The following CLEC2A variants were observed in gnomAD, a reference collection of about 807,000 sequenced individuals.
The protein encoded by CLEC2A is keratinocyte-associated C-type lectin.
A neutral mutation model predicts 18.6 loss-of-function variants in CLEC2A; 19 were observed. The observed-to-expected ratio is 1.02, with a 90% CI of 0.71 to 1.50. CLEC2A has a LOEUF of 1.50. Ranked by LOEUF, CLEC2A falls within the 40% of genes most tolerant of loss-of-function variation. CLEC2A has a pLI of 0.00. For synonymous variants in CLEC2A, 74 were observed against 64.0 expected (o/e 1.16, Z -0.75); for missense variants, 190 against 207.9 (o/e 0.91, Z 0.53).
intron 4 of CLEC2A, among the ~76,000 whole-genome samples, chr12:9,901,480 T>C (rs1279533290): frequency 6.6e-6 from 1 of 152,208 alleles, no homozygotes; most frequent in Non-Finnish European, 1.5e-5. Context: ...ATTAGAATTA[T>C]AGAAATCCCA....
chr12:9,925,840 C>T (rs1424219103), intron 2 of CLEC2A, among the ~76,000 whole-genome samples: 8 of 152,200 alleles, frequency 5.3e-5, no homozygotes, highest in Non-Finnish European at 7.4e-5. Context: ...ATTGTCTAAC[C>T]GACCACCTGC....
intron 1 of CLEC2A, among the ~76,000 whole-genome samples, chr12:9,930,547 C>T (rs1006467798): frequency 1.3e-5 from 2 of 151,968 alleles, no homozygotes; most frequent in African/African-American, 4.8e-5. Flanking sequence ...TTCTCTTTTT[C>T]ACTAACGTCT....
intron 1 of CLEC2A, among the ~76,000 whole-genome samples, chr12:9,931,337 G>A (rs1334074929): frequency 1.3e-5 from 2 of 152,038 alleles, no homozygotes; most frequent in Non-Finnish European, 2.9e-5. Flanking sequence ...TCAAGAGTTC[G>A]TAACTATGAC....
At chr12:9,886,213 A>G in the CLEC2A span, among the ~76,000 whole-genome samples, 2 of 152,134 alleles carry the variant, frequency 1.3e-5, no homozygotes, top group South Asian at 4.1e-4. Context: ...CAATTACAAT[A>G]TGTGTGTTTC....
chr12:9,886,298 A>G, the CLEC2A span, among the ~76,000 whole-genome samples: 32 of 152,322 alleles, frequency 2.1e-4, no homozygotes, highest in Admixed American at 1.4e-3. Context: ...AGTATTGACC[A>G]TAAATATTTA....
At chr12:9,929,586 A>C (rs1384062404) in intron 1 of CLEC2A, among the ~76,000 whole-genome samples, 1 of 152,082 alleles carries the variant, frequency 6.6e-6, no homozygotes, top group Non-Finnish European at 1.5e-5. Context: ...TGATATTCTG[A>C]TATCTAAGCA....
chr12:9,896,852 C>G (rs1218408330), downstream of CLEC2A, among the ~76,000 whole-genome samples: 4 of 150,136 alleles, frequency 2.7e-5, no homozygotes, highest in Non-Finnish European at 1.5e-5. Context: ...GAGATACAGT[C>G]TCTTAATTTT....
chr12:9,930,967 C>T (rs1364131265), intron 1 of CLEC2A, among the ~76,000 whole-genome samples: 1 of 151,890 alleles, frequency 6.6e-6, no homozygotes, highest in Non-Finnish European at 1.5e-5. Flanking sequence ...ATTATTTTCA[C>T]TTGGTTTTTA....
chr12:9,884,670 A>G, the CLEC2A span, among the ~76,000 whole-genome samples: 2 of 150,080 alleles, frequency 1.3e-5, no homozygotes, highest in African/African-American at 2.4e-5. Flanking sequence ...TGTATAATTT[A>G]TATGGAATTT....
At chr12:9,925,689 C>T (rs1342163501) in intron 2 of CLEC2A, among the ~76,000 whole-genome samples, 1 of 152,040 alleles carries the variant, frequency 6.6e-6, no homozygotes, top group Admixed American at 6.6e-5. Context: ...ATTGATCCTC[C>T]TAGTTTTAAA....
At chr12:9,897,197 A>G (rs185045367), downstream of CLEC2A, among the ~76,000 whole-genome samples, 3 of 152,252 alleles carry the variant, frequency 2.0e-5, no homozygotes, top group East Asian at 5.8e-4. Flanking sequence ...TAAATTGTTA[A>G]TAGTAGGTAC....
chr12:9,920,007 C>T (rs184567996), intron 3 of CLEC2A, among the ~76,000 whole-genome samples: 492 of 152,340 alleles, frequency 3.2e-3, no homozygotes, highest in Non-Finnish European at 4.9e-3. Flanking sequence ...CCCTGGTCAA[C>T]TTGGACTCTC....
At chr12:9,900,046 G>A (rs1306971971) in intron 4 of CLEC2A, among the ~76,000 whole-genome samples, 1 of 152,176 alleles carries the variant, frequency 6.6e-6, no homozygotes, top group East Asian at 1.9e-4. Context: ...AATGTCTTGT[G>A]ACATACCCAG....
downstream of CLEC2A, among the ~76,000 whole-genome samples, chr12:9,894,062 CT>C (rs755416544): frequency 1.7e-4 from 26 of 151,356 alleles, no homozygotes; most frequent in South Asian, 6.3e-4. Flanking sequence ...TTCTCTTTCT[CT>C]TTTTTCTTTC....
At chr12:9,912,432 A>G (rs1383856765), downstream of CLEC2A, among the ~76,000 whole-genome samples, 1 of 152,082 alleles carries the variant, frequency 6.6e-6, no homozygotes, top group African/African-American at 2.4e-5. Flanking sequence ...GTTTGGGGGC[A>G]TGTTTCCCCC....
At chr12:9,930,159 G>T (rs1003286977) in intron 1 of CLEC2A, among the ~76,000 whole-genome samples, 1 of 152,108 alleles carries the variant, frequency 6.6e-6, no homozygotes, top group African/African-American at 2.4e-5. Context: ...TCCTTGGCTT[G>T]AAGATGGCAT....
intron 1 of CLEC2A, among the ~76,000 whole-genome samples, chr12:9,927,298 G>T (rs1367185734): frequency 6.6e-6 from 1 of 152,060 alleles, no homozygotes; most frequent in African/African-American, 2.4e-5. Flanking sequence ...CATAGAAAAG[G>T]TACAGTGAAA....
the CLEC2A span, among the ~76,000 whole-genome samples, chr12:9,889,908 G>C: frequency 6.6e-6 from 1 of 151,848 alleles, no homozygotes; most frequent in Non-Finnish European, 1.5e-5. Flanking sequence ...TAAATTGGGG[G>C]TGATAATGAC....
chr12:9,907,612 G>T (rs1055554428), intron 4 of CLEC2A, among the ~76,000 whole-genome samples: 1 of 152,182 alleles, frequency 6.6e-6, no homozygotes, highest in Non-Finnish European at 1.5e-5. Context: ...AAGAAGGTGT[G>T]TAGAGAAGGC....
Sources: allele counts gnomAD v4.1 joint callset (sites outside exome capture counted in the v4.1 genomes callset), GRCh38; gene constraint gnomAD v4.1.1; transcripts MANE v1.5; gene names NCBI Gene and HGNC (gene_info 2026-07-23, HGNC 2026-07-21).